CALN1: variants seen among roughly 807,000 people sequenced by gnomAD.
CALN1 encodes the protein calcium-binding protein 8.
A neutral mutation model predicts 30.6 loss-of-function variants in CALN1; 17 were observed. The observed-to-expected ratio is 0.56, with a 90% CI of 0.38 to 0.83. The LOEUF is 0.83. CALN1 is among the 40% of genes least tolerant of loss of function. CALN1 has a pLI of 0.00. For synonymous variants in CALN1, 156 were observed against 131.4 expected (o/e 1.19, Z -1.28); for missense variants, 291 against 354.9 (o/e 0.82, Z 1.45).
intron 6 of CALN1, among the ~76,000 whole-genome samples, chr7:71,798,061 CAGAGAGAGAGAGAGAG>C (rs147120862): frequency 8.6e-6 from 1 of 116,878 alleles, no homozygotes; most frequent in African/African-American, 3.5e-5. Flanking sequence ...GAGAGAGAGA[CAGAGAGAGAGAGAGAG>C]ACAGAGAGAG....
intron 5 of CALN1, among the ~76,000 whole-genome samples, chr7:71,882,189 T>A (rs967146787): frequency 1.3e-5 from 2 of 152,198 alleles, no homozygotes; most frequent in Admixed American, 6.5e-5. Context: ...GCTGCCTGCA[T>A]CCCTTGGCTC....
intron 3 of CALN1, among the ~76,000 whole-genome samples, chr7:72,221,481 C>G (rs887482999): frequency 6.6e-6 from 1 of 151,978 alleles, no homozygotes; most frequent in Non-Finnish European, 1.5e-5. Context: ...TCGTGCCTGG[C>G]TAATTTTTTT....
intron 4 of CALN1, among the ~76,000 whole-genome samples, chr7:72,070,233 G>GAATC (rs1305942219): frequency 6.6e-6 from 1 of 152,228 alleles, no homozygotes; most frequent in Non-Finnish European, 1.5e-5. Flanking sequence ...TGGGAATGCA[G>GAATC]AATCATTATG....
chr7:72,230,316 C>T (rs1319381674), intron 3 of CALN1, among the ~76,000 whole-genome samples: 1 of 136,580 alleles, frequency 7.3e-6, no homozygotes, highest in Non-Finnish European at 1.5e-5. Flanking sequence ...GGCAATGTGG[C>T]GAAACTCTGT....
chr7:71,792,899 C>G (rs1786655392), intron 6 of CALN1, among the ~76,000 whole-genome samples: 1 of 151,892 alleles, frequency 6.6e-6, no homozygotes, highest in African/African-American at 2.4e-5. Context: ...CAGGGATTAT[C>G]CCCCAGGAGA....
intron 2 of CALN1, among the ~76,000 whole-genome samples, chr7:72,386,880 C>G (rs1432780585): frequency 6.6e-6 from 1 of 152,000 alleles, no homozygotes; most frequent in Non-Finnish European, 1.5e-5. Context: ...AGTATAGATA[C>G]AGATGGTTAC....
At chr7:72,312,728 G>A (rs1800138318) in intron 2 of CALN1, among the ~76,000 whole-genome samples, 1 of 151,962 alleles carries the variant, frequency 6.6e-6, no homozygotes, top group South Asian at 2.1e-4. Context: ...GAAAGATTTG[G>A]GACAACTAGA....
the CALN1 span, among the ~76,000 whole-genome samples, chr7:72,501,810 G>A: frequency 3.4e-5 from 5 of 148,442 alleles, no homozygotes; most frequent in African/African-American, 1.2e-4. Context: ...TTGGGAGGCT[G>A]CAGCAGGAGA....
At chr7:72,499,819 TTCC>T in the CALN1 span, among the ~76,000 whole-genome samples, 6 of 66,426 alleles carry the variant, frequency 9.0e-5, no homozygotes, top group African/African-American at 4.1e-4. Flanking sequence ...CCTTCCTTCC[TTCC>T]TTCCTTCTTT....
At chr7:72,163,324 G>A (rs906346187) in intron 3 of CALN1, among the ~76,000 whole-genome samples, 1 of 141,628 alleles carries the variant, frequency 7.1e-6, no homozygotes, top group East Asian at 2.0e-4. Flanking sequence ...TCAAGAAAAA[G>A]AGCATAATTA....
At chr7:72,285,226 C>T (rs1798006316) in intron 2 of CALN1, among the ~76,000 whole-genome samples, 2 of 152,012 alleles carry the variant, frequency 1.3e-5, no homozygotes, top group Admixed American at 1.3e-4. Context: ...CCTGGTAATT[C>T]TTTCTTACTG....
chr7:72,371,752 TAA>T (rs1804255048), intron 2 of CALN1, among the ~76,000 whole-genome samples: 1 of 152,210 alleles, frequency 6.6e-6, no homozygotes, highest in Non-Finnish European at 1.5e-5. Flanking sequence ...GTTTCACTGA[TAA>T]AACTATGCTT....
chr7:72,107,572 T>C (rs558114504), intron 3 of CALN1, among the ~76,000 whole-genome samples: 66 of 152,312 alleles, frequency 4.3e-4, no homozygotes, highest in African/African-American at 1.4e-3. Flanking sequence ...CCACTGCAGC[T>C]GTCAGTCCTG....
intron 5 of CALN1, among the ~76,000 whole-genome samples, chr7:71,932,213 C>T (rs1237858071): frequency 6.6e-6 from 1 of 152,170 alleles, no homozygotes; most frequent in Non-Finnish European, 1.5e-5. Context: ...TATGTCATTT[C>T]TCTGTCACCC....
chr7:72,239,029 A>C (rs1261438472), intron 3 of CALN1, among the ~76,000 whole-genome samples: 1 of 152,172 alleles, frequency 6.6e-6, no homozygotes, highest in African/African-American at 2.4e-5. Context: ...TCTTCACACT[A>C]ATCTGTGCCT....
At chr7:71,875,126 T>C (rs896825766) in intron 5 of CALN1, among the ~76,000 whole-genome samples, 1 of 131,936 alleles carries the variant, frequency 7.6e-6, no homozygotes, top group South Asian at 2.3e-4. Context: ...GATCATACCA[T>C]TGTACTCCAG....
chr7:72,282,536 C>A (rs1032005766), intron 2 of CALN1, among the ~76,000 whole-genome samples: 15 of 152,310 alleles, frequency 9.8e-5, no homozygotes, highest in African/African-American at 3.4e-4. Flanking sequence ...TTGGAAGGAA[C>A]TAGCAAGGCT....
intron 3 of CALN1, among the ~76,000 whole-genome samples, chr7:72,185,716 T>G (rs1036936865): frequency 1.3e-4 from 20 of 152,174 alleles, no homozygotes; most frequent in Non-Finnish European, 2.2e-4. Flanking sequence ...GGGGCGGTTT[T>G]CCCCATGCTG....
chr7:71,939,739 A>T (rs532152348), intron 5 of CALN1, among the ~76,000 whole-genome samples: 1 of 152,250 alleles, frequency 6.6e-6, no homozygotes, highest in Admixed American at 6.5e-5. Flanking sequence ...ACACCTCTTT[A>T]TATCAACTAA....
Sources: gnomAD v4.1 joint callset for allele counts (sites outside exome capture counted in the v4.1 genomes callset) on GRCh38, gnomAD v4.1.1 for gene constraint, MANE v1.5 for transcripts, NCBI Gene and HGNC (gene_info 2026-07-23, HGNC 2026-07-21) for gene names.